Variants in NRXN3 observed in about 807,000 individuals in gnomAD.
NRXN3 encodes neurexin 3, also known as neurexin III.
Under a neutral mutation model 137.6 loss-of-function variants are expected in NRXN3, and 32 were observed. That is an observed-to-expected ratio of 0.23 (90% CI 0.18 to 0.31). The LOEUF (loss-of-function observed/expected upper bound fraction) is 0.31. NRXN3 is among the 10% of genes least tolerant of loss of function. The pLI is 1.00. For synonymous variants in NRXN3, 798 were observed against 784.5 expected, an observed-to-expected ratio of 1.02 and a Z score of -0.29; for missense variants, 1,574 against 2,062.5, an observed-to-expected ratio of 0.76 and a Z score of 4.59.
At chr14:78,608,346 G>C (rs897572860) in intron 4 of NRXN3, among the ~76,000 whole-genome samples, 2 of 152,198 alleles carry the variant, frequency 1.3e-5, no homozygotes, top group Non-Finnish European at 2.9e-5. Flanking sequence ...AGCCAAAAGA[G>C]AGACATGCTA....
chr14:79,802,228 A>T (rs1364180080), intron 19 of NRXN3, among the ~76,000 whole-genome samples: 1 of 152,138 alleles, frequency 6.6e-6, no homozygotes, highest in Non-Finnish European at 1.5e-5. Context: ...AGTTCTTGAA[A>T]GGAGCTCATT....
intron 14 of NRXN3, among the ~76,000 whole-genome samples, chr14:78,985,393 G>A (rs1335570146): frequency 1.3e-5 from 2 of 152,184 alleles, no homozygotes; most frequent in Admixed American, 6.5e-5. Flanking sequence ...ACAGTGCAAT[G>A]CGTAATAAAG....
intron 16 of NRXN3, among the ~76,000 whole-genome samples, chr14:79,533,873 G>A (rs955825523): frequency 2.0e-5 from 3 of 152,166 alleles, no homozygotes; most frequent in African/African-American, 7.2e-5. Flanking sequence ...TAAGGAAACA[G>A]CTCAAGTAAA....
chr14:78,429,875 C>G (rs954880337), intron 4 of NRXN3, among the ~76,000 whole-genome samples: 3 of 152,164 alleles, frequency 2.0e-5, no homozygotes, highest in Non-Finnish European at 4.4e-5. Context: ...AGACTTATCC[C>G]CTATGATGAA....
rs571891361 is a variant in NRXN3, at chr14:79,021,274, T to A, written c.3262+33133T>A. Among the ~76,000 whole-genome samples, 5 of 152,220 alleles carry A rather than the reference T, an allele frequency of 3.3e-5. No individual in the cohort carries two copies. In the South Asian group the frequency reaches 1.0e-3, roughly 32 times the overall value. On this transcript the variant is annotated intron_variant, in intron 15 of 20. Coordinates refer to ENST00000335750, the MANE Select transcript of NRXN3 (RefSeq NM_001330195.2). ...TAAACTTTGAGGTTGCAGGTGCGGG[T>A]CTGGGACCTTAAACATCATCATGTC...
At chr14:78,320,652 G>A (rs953616518) in intron 4 of NRXN3, among the ~76,000 whole-genome samples, 2 of 152,216 alleles carry the variant, frequency 1.3e-5, no homozygotes, top group African/African-American at 2.4e-5. Flanking sequence ...AAGCAAGGGA[G>A]GAGTGCCTCA....
intron 6 of NRXN3, among the ~76,000 whole-genome samples, chr14:78,661,590 T>C (rs1434841545): frequency 2.0e-5 from 3 of 152,220 alleles, no homozygotes; most frequent in Non-Finnish European, 4.4e-5. Context: ...ATTGTGCATC[T>C]GTGTTATCTG....
intron 4 of NRXN3, among the ~76,000 whole-genome samples, chr14:78,325,421 C>T (rs1238837594): frequency 1.3e-5 from 2 of 152,122 alleles, no homozygotes; most frequent in Admixed American, 6.5e-5. Flanking sequence ...TCTGCCTCTA[C>T]TACTGAATCT....
At chr14:79,537,539 T>C (rs1324272705) in intron 16 of NRXN3, among the ~76,000 whole-genome samples, 3 of 151,834 alleles carry the variant, frequency 2.0e-5, no homozygotes, top group Non-Finnish European at 4.4e-5. Context: ...CAACATGCAG[T>C]GTTTGGTTTT....
intron 15 of NRXN3, chr14:78,988,353 C>A: frequency 1.7e-6 from 1 of 579,990 alleles, no homozygotes. Context: ...CCCACTTGCT[C>A]ACTCCCTGTG....
chr14:79,769,596 C>T, intron 19 of NRXN3, among the ~76,000 whole-genome samples: 1 of 152,010 alleles, frequency 6.6e-6, no homozygotes, highest in South Asian at 2.1e-4. Flanking sequence ...CACCACCAGG[C>T]CTGCCCTATA....
In NRXN3 at chr14:79,597,489, T is replaced by C. The variant is rs190006850; in HGVS notation, c.3445-66289T>C. 7.4e-4 allele frequency among the ~76,000 whole-genome samples: 113 copies of C among 152,306 alleles called. No homozygotes were observed. The Middle Eastern group carries it at 0.017, about 23-fold the overall frequency. ...AGGTGGTTGCTTTTTAGTATGCGAG[T>C]AATCACTTGGGATTCACAGAAATAT... is the stretch of plus-strand genomic sequence containing the variant. On this transcript the variant is annotated intron_variant, in intron 16 of 20. Transcript: ENST00000335750.
chr14:78,843,405 G>A (rs572713487), intron 10 of NRXN3, among the ~76,000 whole-genome samples: 2 of 152,114 alleles, frequency 1.3e-5, no homozygotes, highest in East Asian at 3.9e-4. Flanking sequence ...TAATGACTTT[G>A]GCTCCATGTA....
intron 15 of NRXN3, among the ~76,000 whole-genome samples, chr14:79,105,569 C>T (rs2052263304): frequency 6.6e-6 from 1 of 152,140 alleles, no homozygotes; most frequent in South Asian, 2.1e-4. Flanking sequence ...TCCTTAGAAT[C>T]CATCCTCCTT....
intron 20 of NRXN3, among the ~76,000 whole-genome samples, chr14:79,830,639 A>G (rs180812919): frequency 6.6e-6 from 1 of 152,362 alleles, no homozygotes; most frequent in East Asian, 1.9e-4. Flanking sequence ...AAGCCTTGGC[A>G]TACTATTCAA....
At chr14:78,951,717 A>G (rs2099387463) in intron 10 of NRXN3, among the ~76,000 whole-genome samples, 1 of 152,122 alleles carries the variant, frequency 6.6e-6, no homozygotes, top group South Asian at 2.1e-4. Context: ...TTTATCCTCC[A>G]CAATGAGGAT....
chr14:78,456,817 C>CTTTCTTTA, intron 4 of NRXN3, among the ~76,000 whole-genome samples: 1 of 121,524 alleles, frequency 8.2e-6, no homozygotes, highest in African/African-American at 2.7e-5. Flanking sequence ...TTCTTTCTTT[C>CTTTCTTTA]TTTCTTTCTT....
chr14:78,469,261 C>T (rs116435732), intron 4 of NRXN3, among the ~76,000 whole-genome samples: 5 of 152,068 alleles, frequency 3.3e-5, no homozygotes, highest in South Asian at 4.2e-4. Context: ...TGTGCCCATA[C>T]GTTAGAATCA....
Position 78,803,742 on chromosome 14 carries a change from G to C in NRXN3, c.2167G>C (p.Val723Leu), listed in dbSNP as rs778656428. 1.2e-6 allele frequency: 2 copies of C among 1,614,110 alleles called. No individual in the cohort carries two copies. Among genetic ancestry groups the C allele is most frequent in the South Asian group, 2.2e-5 (2 of 91,074 alleles). Reference sequence around the variant, plus strand: ...GTCCCAGCGAGCTTATGGGCTGCTGGTGGCTACGACCTCCAGGGACTCTGC... The same window carrying C: ...GTCCCAGCGAGCTTATGGGCTGCTGCTGGCTACGACCTCCAGGGACTCTGC... The part of the protein sequence containing the change: ...FMSQRAYGLL[V>L]ATTSRDSADT... The change falls in exon 9 of 21, where the codon GTG becomes CTG. Residue 723 changes from valine (V) to leucine (L), a missense_variant. Physicochemically the swap from Val to Leu is conservative, Grantham distance 32 (BLOSUM62 1). Around this residue, in one of 5 missense-constraint regions of NRXN3, gnomAD observed 718 missense variants for 887.6 expected, o/e 0.81. Coordinates refer to ENST00000335750, the MANE Select transcript of NRXN3 (RefSeq NM_001330195.2).
Sources: allele counts gnomAD v4.1 joint callset (sites outside exome capture counted in the v4.1 genomes callset), GRCh38; gene constraint gnomAD v4.1.1; regional missense constraint gnomAD v4.1.1; transcripts MANE v1.5; gene names NCBI Gene and HGNC (gene_info 2026-07-23, HGNC 2026-07-21).